The following VWA8 variants were observed in gnomAD, a reference collection of about 807,000 sequenced individuals.
The protein encoded by VWA8 is von Willebrand factor A domain-containing protein 8.
A neutral mutation model predicts 241.5 loss-of-function variants in VWA8; 221 were observed. The observed-to-expected ratio is 0.91, with a 90% CI of 0.82 to 1.02. VWA8 has a LOEUF of 1.02. VWA8 is among the 50% of genes least tolerant of loss of function. The pLI, the probability that VWA8 is intolerant of heterozygous loss-of-function variation, is 0.00. For synonymous variants in VWA8, 852 were observed against 827.1 expected, an observed-to-expected ratio of 1.03 and a Z score of -0.52; for missense variants, 2,322 against 2,328.7, an observed-to-expected ratio of 1.00 and a Z score of 0.06.
intron 9 of VWA8, among the ~76,000 whole-genome samples, chr13:41,872,994 T>G (rs1395967547): frequency 4.6e-5 from 7 of 152,196 alleles, no homozygotes; most frequent in African/African-American, 1.4e-4. Context: ...GAGCAGTGGT[T>G]TGTTGTTCTC....
chr13:41,807,166 A>G (rs1477418092), intron 17 of VWA8, among the ~76,000 whole-genome samples: 1 of 152,180 alleles, frequency 6.6e-6, no homozygotes, highest in African/African-American at 2.4e-5. Context: ...TGAACAAACC[A>G]ATAACAAGTA....
At chr13:41,704,810 C>G (rs1400215125) in intron 26 of VWA8, among the ~76,000 whole-genome samples, 1 of 151,888 alleles carries the variant, frequency 6.6e-6, no homozygotes, top group Non-Finnish European at 1.5e-5. Flanking sequence ...AAATAGGAAC[C>G]ATTGATTTGT....
chr13:41,778,646 C>T (rs748606157), intron 19 of VWA8, among the ~76,000 whole-genome samples: 10 of 63,252 alleles, frequency 1.6e-4, no homozygotes, highest in South Asian at 3.9e-4. Flanking sequence ...GTAGGTCATG[C>T]GGGTTCTTTA....
chr13:41,747,313 C>T (rs1216765480), intron 21 of VWA8, among the ~76,000 whole-genome samples: 4 of 152,336 alleles, frequency 2.6e-5, no homozygotes, highest in Admixed American at 1.3e-4. Flanking sequence ...AGGTCCTTCA[C>T]ATCCCTTGTA....
chr13:41,677,237 T>C (rs116778096), intron 35 of VWA8, among the ~76,000 whole-genome samples: 318 of 152,238 alleles, frequency 2.1e-3, no homozygotes, highest in African/African-American at 7.3e-3. Context: ...CCTCAACTAA[T>C]TCTATAATTG....
At chr13:41,878,213 A>G (rs1454132519) in intron 9 of VWA8, among the ~76,000 whole-genome samples, 1 of 152,056 alleles carries the variant, frequency 6.6e-6, no homozygotes, top group Non-Finnish European at 1.5e-5. Context: ...CTATTTCTTA[A>G]GTAAACATTT....
rs143843521 is a variant in VWA8 at position 41,729,654 on chromosome 13, A to G, written c.2526T>C (p.His842=). 3.1e-6 allele frequency: 5 copies of G among 1,612,450 alleles called. No homozygotes were observed. The African/African-American group carries it at 6.7e-5, about 22-fold the overall frequency. The part of the protein sequence containing the change: ...SPLVKAVKLG[H]ILVVDEADKA... ...TGTCAGCCTCATCTACTACCAGAAT[A>G]TGACCCAACTTTACTGCTTTAACCT... Residue 842 remains histidine, a synonymous_variant, in exon 23 of 45, where the codon CAT becomes CAC. Transcript: ENST00000379310.
At chr13:41,862,972 A>G (rs938485789) in intron 12 of VWA8, among the ~76,000 whole-genome samples, 1 of 152,186 alleles carries the variant, frequency 6.6e-6, no homozygotes, top group South Asian at 2.1e-4. Flanking sequence ...TGTTCATTGC[A>G]GCACTGTGAT....
chr13:41,949,945 G>A lies in VWA8; in HGVS notation c.232C>T (p.Gln78Ter), dbSNP rs1305339581. The change falls in exon 2 of 45, where the codon CAG becomes TAG. Residue 78 changes from glutamine (Q) to a stop codon, truncating the protein, a stop_gained. Transcript: ENST00000379310. LOFTEE classifies it high-confidence loss of function. ...AATAAATATTTCTTACTGTAGTTCT[G>A]TGGCACAAGTTCTGGATTCTTAGGA... ...KIPKNPELVPQNYISDSLAQS... is the reference protein window; with the variant it reads ...KIPKNPELVP 6.3e-7 allele frequency: 1 copy of A among 1,580,734 alleles called. No individual in the cohort carries two copies. The highest frequency in any genetic ancestry group is 8.6e-7 in the Non-Finnish European group (1 of 1,158,552).
chr13:41,735,007 T>C (rs1195990975), intron 21 of VWA8, among the ~76,000 whole-genome samples: 1 of 152,202 alleles, frequency 6.6e-6, no homozygotes, highest in East Asian at 1.9e-4. Context: ...CATATGTTAT[T>C]TTTTTGCTAA....
At chr13:41,730,292 G>C (rs1365078778) in intron 22 of VWA8, among the ~76,000 whole-genome samples, 1 of 152,068 alleles carries the variant, frequency 6.6e-6, no homozygotes, top group Non-Finnish European at 1.5e-5. Context: ...GGTAGACTGG[G>C]TGTCTACCAC....
chr13:41,720,734 G>C (rs1393335363), intron 25 of VWA8, among the ~76,000 whole-genome samples: 1 of 152,022 alleles, frequency 6.6e-6, no homozygotes, highest in Admixed American at 6.6e-5. Flanking sequence ...TTCTTTCTAG[G>C]GTTTTCTTGG....
intron 12 of VWA8, among the ~76,000 whole-genome samples, chr13:41,848,039 T>A (rs777103697): frequency 5.9e-5 from 9 of 152,236 alleles, no homozygotes; most frequent in Non-Finnish European, 8.8e-5. Flanking sequence ...TTACAGTAGA[T>A]CCTGCAAAAA....
At chr13:41,942,841 C>T (rs1877664580) in intron 2 of VWA8, among the ~76,000 whole-genome samples, 1 of 152,172 alleles carries the variant, frequency 6.6e-6, no homozygotes, top group South Asian at 2.1e-4. Flanking sequence ...GGTACTGGGG[C>T]CAGATAGCTG....
rs9562362 is a variant in VWA8 at position 41,891,577 on chromosome 13, C to A, written c.494G>T (p.Arg165Leu). 5 of 1,613,760 alleles carry A rather than the reference C, an allele frequency of 3.1e-6. No individual in the cohort carries two copies. Among genetic ancestry groups the A allele is most frequent in the East Asian group, 2.2e-5 (1 of 44,882 alleles). Residue 165 changes from arginine (R) to leucine (L), a missense_variant, in exon 5 of 45, where the codon CGT (arginine) becomes CTT (leucine). Arg to Leu is a moderately radical substitution (Grantham distance 102). Transcript: ENST00000379310. ...GAGAGTTCTGCCTTCTGTGGCTGCA[C>A]GAACTGCACACTATTTCCAAGAAAC... ...TAFYIDQCAV[R>L]AATEGRTLIL...
chr13:41,824,013 C>A (rs1310250284), intron 14 of VWA8, among the ~76,000 whole-genome samples: 1 of 152,184 alleles, frequency 6.6e-6, no homozygotes, highest in Non-Finnish European at 1.5e-5. Flanking sequence ...ACACTGCTAG[C>A]TCAGAAGGTC....
chr13:41,577,970 G>A (rs940183322), intron 42 of VWA8, among the ~76,000 whole-genome samples: 9 of 152,128 alleles, frequency 5.9e-5, no homozygotes, highest in Non-Finnish European at 1.2e-4. Context: ...CAAGATACTG[G>A]CTGATTAAAA....
At chr13:41,768,221 G>A (rs1404054300) in intron 20 of VWA8, among the ~76,000 whole-genome samples, 1 of 152,156 alleles carries the variant, frequency 6.6e-6, no homozygotes, top group Non-Finnish European at 1.5e-5. Context: ...GACAATTTCT[G>A]GACAAACTGT....
intron 21 of VWA8, among the ~76,000 whole-genome samples, chr13:41,759,134 C>G (rs562308591): frequency 6.6e-6 from 1 of 151,514 alleles, no homozygotes. Flanking sequence ...TTGCATTACA[C>G]AGGTCTGCTG....
Sources: gnomAD v4.1 joint callset for allele counts (sites outside exome capture counted in the v4.1 genomes callset) on GRCh38, gnomAD v4.1.1 for gene constraint, MANE v1.5 for transcripts, NCBI Gene and HGNC (gene_info 2026-07-23, HGNC 2026-07-21) for gene names.